DLG2: variants seen among roughly 807,000 people sequenced by gnomAD.
DLG2 encodes the protein disks large homolog 2.
A neutral mutation model predicts 132.5 loss-of-function variants in DLG2; 45 were observed. The ratio of observed to expected loss-of-function variants is 0.34; its 90% CI spans 0.27 to 0.44. The LOEUF (loss-of-function observed/expected upper bound fraction) is 0.44. Among genes scored for constraint, DLG2 ranks in the 20% least tolerant of loss-of-function variants. The probability of loss-of-function intolerance (pLI) is 1.00; values close to 1 mark genes in which losing one functional copy is unlikely to be tolerated. For synonymous variants in DLG2, 424 were observed against 419.6 expected, an observed-to-expected ratio of 1.01 and a Z score of -0.13; for missense variants, 1,045 against 1,196.9, an observed-to-expected ratio of 0.87 and a Z score of 1.87.
At position 85,523,511 on chromosome 11, in the gene DLG2, G is replaced by C. The variant is rs1006507748; in HGVS notation, c.40+75146C>G. Among the ~76,000 whole-genome samples, 11 of 152,138 alleles carry C rather than the reference G, an allele frequency of 7.2e-5. No individual in the cohort carries two copies. In the South Asian group the frequency reaches 2.3e-3, roughly 32 times the overall value. On this transcript the variant is annotated intron_variant, in intron 3 of 27. Coordinates refer to ENST00000376104, the MANE Select transcript of DLG2 (RefSeq NM_001142699.3). ...CAACATCATTGAACATCAGAGAAAT[G>C]AAAATCAAACTACAATAAGTTATCA...
intron 7 of DLG2, among the ~76,000 whole-genome samples, chr11:84,318,533 T>G (rs867637970): frequency 3.3e-5 from 5 of 152,194 alleles, no homozygotes; most frequent in African/African-American, 9.7e-5. Flanking sequence ...GCCTGATTTT[T>G]GCCTGAGCTG....
intron 6 of DLG2, among the ~76,000 whole-genome samples, chr11:84,890,244 A>T (rs1209985224): frequency 1.3e-5 from 2 of 152,184 alleles, no homozygotes; most frequent in African/African-American, 2.4e-5. Flanking sequence ...TGTGGCTAAG[A>T]GACTGTGGAC....
At chr11:84,211,033 C>T (rs780231136) in intron 8 of DLG2, among the ~76,000 whole-genome samples, 15 of 152,154 alleles carry the variant, frequency 9.9e-5, no homozygotes, top group Non-Finnish European at 1.5e-4. Context: ...CTGACTTGAA[C>T]TCTTGAATCA....
chr11:84,722,521 G>A lies in DLG2; in HGVS notation c.358-187790C>T, dbSNP rs960571011. Reference sequence around the variant, plus strand: ...TCTCGTCCCTTCTCCCAAGTTAATAGAAAATAAACCTGATTATGTCATAAT... The same window carrying A: ...TCTCGTCCCTTCTCCCAAGTTAATAAAAAATAAACCTGATTATGTCATAAT... On this transcript the variant is annotated intron_variant, in intron 6 of 27. Coordinates refer to ENST00000376104, the MANE Select transcript of DLG2 (RefSeq NM_001142699.3). 4.6e-5 allele frequency among the ~76,000 whole-genome samples: 7 copies of A among 152,178 alleles called. No homozygotes were observed. The East Asian group carries it at 1.4e-3, about 29-fold the overall frequency.
intron 4 of DLG2, among the ~76,000 whole-genome samples, chr11:85,247,996 C>T (rs1441550330): frequency 6.6e-6 from 1 of 152,064 alleles, no homozygotes; most frequent in Non-Finnish European, 1.5e-5. Flanking sequence ...TTTATATCAG[C>T]TCTCTGATCT....
chr11:84,156,702 C>T (rs1388813112), intron 9 of DLG2, among the ~76,000 whole-genome samples: 1 of 152,082 alleles, frequency 6.6e-6, no homozygotes, highest in African/African-American at 2.4e-5. Context: ...AACAAAATGA[C>T]TTATAGAGAA....
chr11:83,628,726 G>A (rs915538461), intron 19 of DLG2, among the ~76,000 whole-genome samples: 7 of 152,070 alleles, frequency 4.6e-5, no homozygotes, highest in African/African-American at 1.7e-4. Context: ...AAGGATCCTC[G>A]ATATGTTTAA....
intron 3 of DLG2, among the ~76,000 whole-genome samples, chr11:85,503,123 CTAAA>C (rs1435339476): frequency 6.6e-6 from 1 of 151,678 alleles, no homozygotes; most frequent in African/African-American, 2.4e-5. Context: ...AACAAGCAAA[CTAAA>C]CTATATATTT....
chr11:83,679,043 T>C (rs942964597), intron 18 of DLG2, among the ~76,000 whole-genome samples: 1 of 152,080 alleles, frequency 6.6e-6, no homozygotes, highest in East Asian at 1.9e-4. Flanking sequence ...AAAATGGAAG[T>C]GTGAAGAGCT....
intron 3 of DLG2, among the ~76,000 whole-genome samples, chr11:85,423,990 T>A (rs1012536287): frequency 2.0e-5 from 3 of 152,162 alleles, no homozygotes; most frequent in Non-Finnish European, 4.4e-5. Context: ...AGCTAGAGAT[T>A]TCCCCCATGG....
At chr11:85,138,914 G>C (rs551552813) in intron 5 of DLG2, among the ~76,000 whole-genome samples, 65 of 152,108 alleles carry the variant, frequency 4.3e-4, no homozygotes, top group Middle Eastern at 3.4e-3. Flanking sequence ...ACACTGGCCT[G>C]TTACCTGTTC....
chr11:84,294,542 G>A (rs919843294), intron 7 of DLG2, among the ~76,000 whole-genome samples: 23 of 152,212 alleles, frequency 1.5e-4, no homozygotes, highest in Non-Finnish European at 5.9e-5. Context: ...AGGTTGCAGT[G>A]AGCCGAGATC....
At chr11:84,471,745 T>TG (rs2099108976) in intron 7 of DLG2, among the ~76,000 whole-genome samples, 1 of 151,632 alleles carries the variant, frequency 6.6e-6, no homozygotes, top group East Asian at 2.0e-4. Flanking sequence ...TGTCCTCCCT[T>TG]CCTCAACTCC....
intron 7 of DLG2, among the ~76,000 whole-genome samples, chr11:84,419,891 C>G (rs2098942761): frequency 6.6e-6 from 1 of 152,224 alleles, no homozygotes; most frequent in Non-Finnish European, 1.5e-5. Context: ...CCTTCACATT[C>G]TGGAAGAATC....
chr11:85,345,160 C>A (rs1055286214), intron 3 of DLG2, among the ~76,000 whole-genome samples: 1 of 152,100 alleles, frequency 6.6e-6, no homozygotes, highest in African/African-American at 2.4e-5. Context: ...TGCACACGGT[C>A]TCTTCATTCT....
intron 6 of DLG2, among the ~76,000 whole-genome samples, chr11:84,915,389 T>G (rs2092392874): frequency 6.6e-6 from 1 of 152,260 alleles, no homozygotes; most frequent in South Asian, 2.1e-4. Flanking sequence ...GAGGTATTGC[T>G]TTTTAAAACA....
chr11:85,123,286 A>AT (rs2074654546), intron 5 of DLG2, among the ~76,000 whole-genome samples: 2 of 151,780 alleles, frequency 1.3e-5, no homozygotes, highest in South Asian at 2.1e-4. Flanking sequence ...CTGTATGTAT[A>AT]TTTTTTAAGG....
chr11:84,730,396 A>G (rs79829494), intron 6 of DLG2, among the ~76,000 whole-genome samples: 16 of 152,192 alleles, frequency 1.1e-4, no homozygotes, highest in East Asian at 5.8e-4. Context: ...AATAATATCC[A>G]TTTGTCCACT....
At chr11:84,447,754 G>T (rs1288702873) in intron 7 of DLG2, among the ~76,000 whole-genome samples, 2 of 152,002 alleles carry the variant, frequency 1.3e-5, no homozygotes, top group East Asian at 3.9e-4. Flanking sequence ...ACTCAAATGG[G>T]TCCTAAACTT....
Sources: gnomAD v4.1 joint callset for allele counts (sites outside exome capture counted in the v4.1 genomes callset) on GRCh38, gnomAD v4.1.1 for gene constraint, MANE v1.5 for transcripts, NCBI Gene and HGNC (gene_info 2026-07-23, HGNC 2026-07-21) for gene names.